Variants in ZNF69 observed in about 807,000 individuals in gnomAD.
The protein encoded by ZNF69 is ZNF3.
A neutral mutation model predicts 50.9 loss-of-function variants in ZNF69; 47 were observed. The ratio of observed to expected loss-of-function variants is 0.92; its 90% CI spans 0.73 to 1.18. The LOEUF is 1.18. Ranked by LOEUF, ZNF69 falls within the 50% of genes most tolerant of loss-of-function variation. ZNF69 has a pLI of 0.00. For missense variants in ZNF69, 717 were observed against 675.1 expected (o/e 1.06, Z -0.69); for synonymous variants, 216 against 223.1 (o/e 0.97, Z 0.29).
At chr19:11,928,895 C>T in the ZNF69 span, among the ~76,000 whole-genome samples, 1 of 147,414 alleles carries the variant, frequency 6.8e-6, no homozygotes, top group Non-Finnish European at 1.5e-5. Flanking sequence ...GCCTGGGCAA[C>T]ATATTGAGAC....
At chr19:11,977,007 C>A in the ZNF69 span, 1 of 1,613,108 alleles carries the variant, frequency 6.2e-7, no homozygotes, top group Non-Finnish European at 8.5e-7. Context: ...CACTCTCACC[C>A]AGCCTCCTCT....
At chr19:11,937,833 A>G in the ZNF69 span, among the ~76,000 whole-genome samples, 58 of 152,124 alleles carry the variant, frequency 3.8e-4, no homozygotes, top group East Asian at 0.011. Flanking sequence ...ATCTTATGGA[A>G]TCTTCTCTTG....
At chr19:11,969,410 T>TA in the ZNF69 span, among the ~76,000 whole-genome samples, 1 of 152,230 alleles carries the variant, frequency 6.6e-6, no homozygotes, top group Non-Finnish European at 1.5e-5. Flanking sequence ...GGGCCTGACT[T>TA]ACTTGTTCAC....
At chr19:11,940,471 G>A in the ZNF69 span, among the ~76,000 whole-genome samples, 25 of 152,146 alleles carry the variant, frequency 1.6e-4, no homozygotes, top group East Asian at 4.8e-3. Context: ...CGTGGTGAGT[G>A]TTAACAGCTC....
the ZNF69 span, chr19:11,948,341 A>C: frequency 6.2e-7 from 1 of 1,613,938 alleles, no homozygotes; most frequent in Non-Finnish European, 8.5e-7. Flanking sequence ...ACTTTTACCC[A>C]GGTTCCAGAT....
the ZNF69 span, among the ~76,000 whole-genome samples, chr19:11,944,217 A>G: frequency 6.6e-6 from 1 of 151,934 alleles, no homozygotes; most frequent in Admixed American, 6.6e-5. Context: ...AATTTCACCT[A>G]ATTCTCAGGG....
the ZNF69 span, among the ~76,000 whole-genome samples, chr19:11,963,647 T>C: frequency 2.0e-5 from 3 of 152,262 alleles, no homozygotes; most frequent in South Asian, 6.2e-4. Flanking sequence ...GGCTTAGTTA[T>C]GATAGCCACA....
At chr19:11,969,994 G>A in the ZNF69 span, among the ~76,000 whole-genome samples, 7 of 152,328 alleles carry the variant, frequency 4.6e-5, no homozygotes, top group Non-Finnish European at 8.8e-5. Flanking sequence ...CTCCTGGAGG[G>A]TCTCATGGGT....
intron 1 of ZNF69, among the ~76,000 whole-genome samples, chr19:11,889,586 C>T (rs1191523943): frequency 1.3e-5 from 2 of 152,236 alleles, no homozygotes; most frequent in Admixed American, 6.5e-5. Flanking sequence ...TAGCCTCAGC[C>T]TCCTGAGTAG....
the ZNF69 span, among the ~76,000 whole-genome samples, chr19:11,971,290 T>C: frequency 6.6e-6 from 1 of 152,186 alleles, no homozygotes; most frequent in East Asian, 1.9e-4. Context: ...AAGCTGGCTG[T>C]CCTGTGTCTT....
chr19:11,927,064 C>T, the ZNF69 span, among the ~76,000 whole-genome samples: 9 of 152,052 alleles, frequency 5.9e-5, no homozygotes, highest in Admixed American at 5.9e-4. Context: ...TTATTGAAAG[C>T]TACTCTGGGC....
At chr19:11,922,774 G>T in the ZNF69 span, among the ~76,000 whole-genome samples, 1 of 151,988 alleles carries the variant, frequency 6.6e-6, no homozygotes, top group African/African-American at 2.4e-5. Flanking sequence ...CCATCCAAGG[G>T]GGTCAGGGTT....
the ZNF69 span, among the ~76,000 whole-genome samples, chr19:11,938,948 G>GT: frequency 3.0e-3 from 451 of 152,238 alleles, 2 homozygotes; most frequent in Non-Finnish European, 4.2e-3. Flanking sequence ...TCTCATTGTG[G>GT]TTTTGATTTG....
chr19:11,939,166 T>C, the ZNF69 span, among the ~76,000 whole-genome samples: 1 of 152,198 alleles, frequency 6.6e-6, no homozygotes, highest in Non-Finnish European at 1.5e-5. Flanking sequence ...TTTTCTCCCA[T>C]TCTATAGGTT....
chr19:11,935,607 C>G, the ZNF69 span, among the ~76,000 whole-genome samples: 2 of 151,996 alleles, frequency 1.3e-5, no homozygotes, highest in African/African-American at 4.8e-5. Context: ...GGATACCAGT[C>G]CATCACCAGA....
Position 11,903,909 on chromosome 19 carries a change from A to C in ZNF69, c.195A>C (p.Lys65Asn), listed in dbSNP as rs1310107359. The change falls in exon 3 of 4, where the codon AAA (lysine) becomes AAC (asparagine). Residue 65 changes from lysine to asparagine, a missense_variant. Transcript: ENST00000429654. Reference protein sequence around the residue: ...ETFRNLTSVGKSWKDQNIEYE... With the variant: ...ETFRNLTSVGNSWKDQNIEYE... The stretch of plus-strand genomic sequence containing the variant: ...TTTTCTGTGTCTATATTTTAGGAAA[A>C]AGTTGGAAAGACCAGAACATTGAAT... The C allele has an allele frequency of 6.2e-7, 1 of 1,613,576 alleles. No individual in the cohort carries two copies. Among genetic ancestry groups the C allele is most frequent in the Non-Finnish European group, 8.5e-7 (1 of 1,179,878 alleles).
chr19:11,944,318 A>T, the ZNF69 span, among the ~76,000 whole-genome samples: 2 of 140,496 alleles, frequency 1.4e-5, no homozygotes, highest in Non-Finnish European at 3.0e-5. Flanking sequence ...GGGTAAATTT[A>T]ATCTTAATAC....
chr19:11,973,554 G>T, the ZNF69 span, among the ~76,000 whole-genome samples: 1 of 151,968 alleles, frequency 6.6e-6, no homozygotes, highest in African/African-American at 2.4e-5. Context: ...TTCTATGGGT[G>T]TTACCATAGT....
At chr19:11,976,735 G>T in the ZNF69 span, 83 of 411,838 alleles carry the variant, frequency 2.0e-4, no homozygotes, top group Admixed American at 1.9e-3. Flanking sequence ...GTGTGGTGGC[G>T]CATGCCTGTA....
Sources: gnomAD v4.1 joint callset for allele counts (sites outside exome capture counted in the v4.1 genomes callset) on GRCh38, gnomAD v4.1.1 for gene constraint, MANE v1.5 for transcripts, NCBI Gene and HGNC (gene_info 2026-07-23, HGNC 2026-07-21) for gene names.